Variants in IQGAP2 observed in about 807,000 individuals in gnomAD.
The protein encoded by IQGAP2 is ras GTPase-activating-like protein IQGAP2.
Under a neutral mutation model 201.3 loss-of-function variants are expected in IQGAP2, and 173 were observed. That is an observed-to-expected ratio of 0.86 (90% CI 0.76 to 0.98). The LOEUF (loss-of-function observed/expected upper bound fraction) is 0.98. Among genes scored for constraint, IQGAP2 ranks in the 50% least tolerant of loss-of-function variants. The pLI is 0.00. For synonymous variants in IQGAP2, 675 were observed against 673.9 expected (o/e 1.00, Z -0.03); for missense variants, 1,687 against 1,864.8 (o/e 0.90, Z 1.76).
intron 11 of IQGAP2, among the ~76,000 whole-genome samples, chr5:76,605,451 C>A (rs1272433163): frequency 6.6e-6 from 1 of 152,170 alleles, no homozygotes; most frequent in Non-Finnish European, 1.5e-5. Context: ...CACTCAGCCT[C>A]CCAAATTGCT....
rs367570199 is a variant in IQGAP2 at position 76,516,538 on chromosome 5, G to T, written c.147-45858G>T. The stretch of plus-strand genomic sequence containing the variant: ...TAAAAGTTATTTCTTAATTCTCCAG[G>T]ATAATAGAAACATTAATTGTTCAGA... On this transcript the variant is annotated intron_variant, in intron 2 of 35. Coordinates refer to ENST00000274364, the MANE Select transcript of IQGAP2 (RefSeq NM_006633.5). Among the ~76,000 whole-genome samples the T allele has an allele frequency of 1.2e-4, 19 of 152,086 alleles. No homozygotes were observed. The East Asian group carries it at 1.9e-3, about 15-fold the overall frequency.
chr5:76,637,681 A>G (rs1489523995), intron 16 of IQGAP2, among the ~76,000 whole-genome samples: 1 of 152,226 alleles, frequency 6.6e-6, no homozygotes, highest in Non-Finnish European at 1.5e-5. Context: ...AAAGAGCAGG[A>G]TGGGTAAACA....
At chr5:76,677,821 A>G (rs997337030) in intron 28 of IQGAP2, among the ~76,000 whole-genome samples, 8 of 152,180 alleles carry the variant, frequency 5.3e-5, no homozygotes, top group Non-Finnish European at 1.2e-4. Context: ...AGTCACAGCT[A>G]CTTAAGAGGC....
intron 1 of IQGAP2, among the ~76,000 whole-genome samples, chr5:76,408,866 C>T (rs1157568545): frequency 1.3e-5 from 2 of 152,068 alleles, no homozygotes; most frequent in African/African-American, 2.4e-5. Context: ...GATCTGGGCT[C>T]ACTGCAACCT....
chr5:76,587,464 TAC>T (rs1192831446), intron 5 of IQGAP2, among the ~76,000 whole-genome samples: 24 of 152,256 alleles, frequency 1.6e-4, no homozygotes, highest in African/African-American at 5.5e-4. Context: ...AAAATTATAG[TAC>T]ATTCATATTC....
intron 13 of IQGAP2, among the ~76,000 whole-genome samples, chr5:76,621,038 GC>G (rs1749611164): frequency 6.6e-6 from 1 of 152,142 alleles, no homozygotes; most frequent in African/African-American, 2.4e-5. Flanking sequence ...AGACTTCTAT[GC>G]CAAATATAAA....
At chr5:76,525,284 G>A (rs1048409929) in intron 2 of IQGAP2, among the ~76,000 whole-genome samples, 1 of 152,188 alleles carries the variant, frequency 6.6e-6, no homozygotes, top group African/African-American at 2.4e-5. Flanking sequence ...GGCAATGCTA[G>A]GGTTTCAGAT....
chr5:76,648,386 A>G (rs1483614123), intron 17 of IQGAP2, among the ~76,000 whole-genome samples: 1 of 152,228 alleles, frequency 6.6e-6, no homozygotes, highest in Non-Finnish European at 1.5e-5. Flanking sequence ...AAACAATGTC[A>G]GGAAAAGCCA....
In IQGAP2 at chr5:76,454,332, G is replaced by A. The variant is rs969255269; in HGVS notation, c.47-7238G>A. The stretch of plus-strand genomic sequence containing the variant: ...ATACTTTAAGTTTTAGGGTACATGT[G>A]CACAATGTGCAGGTTTGTTACATAT... On this transcript the variant is annotated intron_variant, in intron 1 of 35. Coordinates refer to ENST00000274364, the MANE Select transcript of IQGAP2 (RefSeq NM_006633.5). 9.0e-4 allele frequency among the ~76,000 whole-genome samples: 137 copies of A among 151,706 alleles called. 2 individuals carry two copies. The highest frequency in any genetic ancestry group is 2.5e-4 in the Non-Finnish European group (17 of 67,898).
intron 5 of IQGAP2, among the ~76,000 whole-genome samples, chr5:76,586,609 G>A (rs552097536): frequency 6.6e-6 from 1 of 151,972 alleles, no homozygotes; most frequent in Non-Finnish European, 1.5e-5. Context: ...ATATCCTGTG[G>A]TGATAAGGGG....
At chr5:76,668,157 A>G (rs1160712527) in intron 22 of IQGAP2, among the ~76,000 whole-genome samples, 1 of 152,106 alleles carries the variant, frequency 6.6e-6, no homozygotes, top group Non-Finnish European at 1.5e-5. Context: ...CGCTGGAATT[A>G]TAAGTGTGAG....
chr5:76,525,890 G>C (rs1210431360), intron 2 of IQGAP2, among the ~76,000 whole-genome samples: 1 of 152,186 alleles, frequency 6.6e-6, no homozygotes, highest in African/African-American at 2.4e-5. Context: ...ACTGTGAAGT[G>C]ATATAAAAAT....
chr5:76,662,386 G>A (rs536433255), intron 21 of IQGAP2, among the ~76,000 whole-genome samples: 17 of 152,074 alleles, frequency 1.1e-4, no homozygotes, highest in Non-Finnish European at 1.8e-4. Flanking sequence ...ATCTGCCCCA[G>A]ATCTTGCTCA....
Position 76,585,702 on chromosome 5 carries a change from C to T in IQGAP2, c.459-3204C>T, listed in dbSNP as rs563064693. 4.6e-5 allele frequency among the ~76,000 whole-genome samples: 7 copies of T among 152,034 alleles called. No individual in the cohort carries two copies. In the East Asian group the frequency reaches 1.2e-3, roughly 25 times the overall value. On this transcript the variant is annotated intron_variant, in intron 5 of 35. Coordinates refer to ENST00000274364, the MANE Select transcript of IQGAP2 (RefSeq NM_006633.5). ...GCTAATTTTGTATTTTTAGTAGAGA[C>T]AGGGTTTCTCCATGTTGGTCAGGCT...
intron 2 of IQGAP2, among the ~76,000 whole-genome samples, chr5:76,552,676 C>A (rs1743640723): frequency 6.6e-6 from 1 of 152,202 alleles, no homozygotes; most frequent in South Asian, 2.1e-4. Context: ...ACATGTTCCT[C>A]ATTTCTGTCT....
intron 32 of IQGAP2, among the ~76,000 whole-genome samples, 169 bp downstream of exon 32, chr5:76,695,835 CTTTTTT>C (rs56984768): frequency 2.4e-5 from 2 of 83,092 alleles, no homozygotes; most frequent in African/African-American, 1.0e-4. Context: ...CAGTTGATGA[CTTTTTT>C]TTTTTTTTTT....
intron 2 of IQGAP2, among the ~76,000 whole-genome samples, chr5:76,552,583 A>G (rs1174154990): frequency 1.3e-5 from 2 of 152,214 alleles, no homozygotes; most frequent in Non-Finnish European, 2.9e-5. Context: ...TACAAGCTCT[A>G]CCTTCCACAA....
At chr5:76,423,301 A>G (rs893819642) in intron 1 of IQGAP2, among the ~76,000 whole-genome samples, 1 of 152,136 alleles carries the variant, frequency 6.6e-6, no homozygotes, top group African/African-American at 2.4e-5. Flanking sequence ...ACCTGCTATT[A>G]AAATGGTGCT....
intron 2 of IQGAP2, among the ~76,000 whole-genome samples, chr5:76,496,369 G>A (rs1049984506): frequency 1.3e-5 from 2 of 152,182 alleles, no homozygotes; most frequent in African/African-American, 4.8e-5. Context: ...CAGCAACACT[G>A]TATTTCCTGG....
Sources: allele counts gnomAD v4.1 joint callset (sites outside exome capture counted in the v4.1 genomes callset), GRCh38; gene constraint gnomAD v4.1.1; transcripts MANE v1.5; gene names NCBI Gene and HGNC (gene_info 2026-07-23, HGNC 2026-07-21).